The following LYZL4 variants were observed in gnomAD, a reference collection of about 807,000 sequenced individuals.
LYZL4 encodes lysozyme like 4, also known as lysozyme-like protein 4.
LYZL4 carries 13 observed loss-of-function variants against 17.6 expected under a neutral mutation model. That is an observed-to-expected ratio of 0.74 (90% CI 0.48 to 1.18). The LOEUF (loss-of-function observed/expected upper bound fraction) is 1.18. Ranked by LOEUF, LYZL4 falls within the 50% of genes most tolerant of loss-of-function variation. LYZL4 has a pLI of 0.00. For missense variants in LYZL4, 174 were observed against 188.2 expected, an observed-to-expected ratio of 0.92 and a Z score of 0.44; for synonymous variants, 64 against 67.7, an observed-to-expected ratio of 0.95 and a Z score of 0.27.
At chr3:42,395,630 T>G (rs1438627138), downstream of LYZL4, among the ~76,000 whole-genome samples, 1 of 152,202 alleles carries the variant, frequency 6.6e-6, no homozygotes, top group African/African-American at 2.4e-5. Context: ...TAATTTCCTT[T>G]TTTATGACTA....
chr3:42,410,146 C>A (rs1002773286), intron 1 of LYZL4, among the ~76,000 whole-genome samples: 2 of 152,170 alleles, frequency 1.3e-5, no homozygotes, highest in African/African-American at 4.8e-5. Flanking sequence ...TGTTCACTTG[C>A]TTATTTTCTC....
At position 42,407,317 on chromosome 3, in the gene LYZL4, C is replaced by T; in HGVS notation, c.-66G>A. The T allele has an allele frequency of 6.2e-7, 1 of 1,606,258 alleles. No homozygotes were observed. Among genetic ancestry groups the T allele is most frequent in the South Asian group, 1.1e-5 (1 of 89,854 alleles). On this transcript the variant is annotated 5_prime_UTR_variant, in exon 2 of 5. The change creates a new upstream start codon in the 5' untranslated region. Coordinates refer to ENST00000287748, the MANE Select transcript of LYZL4 (RefSeq NM_144634.4). ...ATGAGTGGGTGGAGTCACAGGGACA[C>T]TGGTTCTCTGAAGGGAAAGAAGGGC... is the stretch of plus-strand genomic sequence containing the variant.
At chr3:42,403,969 A>G (rs976218308) in intron 4 of LYZL4, 77 bp downstream of exon 4, 1 of 1,112,866 alleles carries the variant, frequency 9.0e-7, no homozygotes, top group African/African-American at 1.6e-5. Context: ...CGCAACAGCC[A>G]AGATTTAGCC....
the LYZL4 span, among the ~76,000 whole-genome samples, chr3:42,378,668 T>G: frequency 1.3e-5 from 2 of 152,182 alleles, no homozygotes; most frequent in South Asian, 4.1e-4. Flanking sequence ...TCAACTCAGC[T>G]GGTTCCACGT....
intron 1 of LYZL4, among the ~76,000 whole-genome samples, chr3:42,408,139 A>T (rs1194370269): frequency 6.6e-6 from 1 of 152,108 alleles, no homozygotes; most frequent in Non-Finnish European, 1.5e-5. Context: ...GGGCCAACTC[A>T]TGCAGGTGGT....
chr3:42,409,783 G>T lies in LYZL4; in HGVS notation c.-93+634C>A, dbSNP rs1002472007. Among the ~76,000 whole-genome samples, 3 of 152,132 alleles carry T rather than the reference G, an allele frequency of 2.0e-5. No homozygotes were observed. In the South Asian group the frequency reaches 6.2e-4, roughly 32 times the overall value. ...TCCAGTCACATCACTAATCTCCAGT[G>T]GATTCCCCTTGCACTTTGAATAAGG... On this transcript the variant is annotated intron_variant, in intron 1 of 4. Coordinates refer to ENST00000287748, the MANE Select transcript of LYZL4 (RefSeq NM_144634.4).
rs568896561 is a variant in LYZL4 at position 42,409,602 on chromosome 3, T to C, written c.-93+815A>G. On this transcript the variant is annotated intron_variant, in intron 1 of 4. Transcript: ENST00000287748. ...CCATCTACAGTTCTTCCAGAACCTA[T>C]TCGCCTCTCATCTTTTCTGCCATCA... Among the ~76,000 whole-genome samples, 16 of 152,312 alleles carry C rather than the reference T, an allele frequency of 1.1e-4. No individual in the cohort carries two copies. The South Asian group carries it at 2.1e-3, about 20-fold the overall frequency.
intron 1 of LYZL4, among the ~76,000 whole-genome samples, chr3:42,408,449 G>A (rs908115012): frequency 2.6e-5 from 4 of 152,120 alleles, no homozygotes; most frequent in Non-Finnish European, 5.9e-5. Context: ...CCATTCAAAT[G>A]TTGCTGCATC....
downstream of LYZL4, among the ~76,000 whole-genome samples, chr3:42,392,851 T>C (rs1482867393): frequency 2.0e-5 from 3 of 151,892 alleles, no homozygotes; most frequent in African/African-American, 7.3e-5. Flanking sequence ...AGAATTGAGA[T>C]TTTTAAGGTG....
chr3:42,369,619 G>A, the LYZL4 span, among the ~76,000 whole-genome samples: 21 of 152,200 alleles, frequency 1.4e-4, no homozygotes, highest in African/African-American at 4.3e-4. Context: ...CCAGGCTCTC[G>A]GAGGCCCAGA....
the LYZL4 span, among the ~76,000 whole-genome samples, chr3:42,383,377 G>GC: frequency 1.3e-5 from 2 of 148,664 alleles, no homozygotes; most frequent in Non-Finnish European, 3.0e-5. Context: ...AAACTGTCCA[G>GC]CCGGATGGCT....
chr3:42,391,214 A>T, the LYZL4 span, among the ~76,000 whole-genome samples: 1 of 152,230 alleles, frequency 6.6e-6, no homozygotes, highest in South Asian at 2.1e-4. Context: ...CAAATGAAAC[A>T]TATAACAGGT....
At chr3:42,406,477 A>G (rs868064974) in intron 3 of LYZL4, among the ~76,000 whole-genome samples, 5 of 150,862 alleles carry the variant, frequency 3.3e-5, no homozygotes, top group Non-Finnish European at 7.4e-5. Flanking sequence ...AAAAAAAAAA[A>G]AAAGAAAGAA....
the LYZL4 span, among the ~76,000 whole-genome samples, chr3:42,363,099 G>A: frequency 6.6e-6 from 1 of 152,086 alleles, no homozygotes; most frequent in South Asian, 2.1e-4. Context: ...TCTAGAATGT[G>A]AGACATTCTA....
At chr3:42,378,921 C>CAA in the LYZL4 span, among the ~76,000 whole-genome samples, 1 of 152,032 alleles carries the variant, frequency 6.6e-6, no homozygotes, top group African/African-American at 2.4e-5. Flanking sequence ...ACAGGTGGCC[C>CAA]AAAAATCGCA....
At chr3:42,393,828 G>C (rs918564920), downstream of LYZL4, among the ~76,000 whole-genome samples, 6 of 152,150 alleles carry the variant, frequency 3.9e-5, no homozygotes, top group African/African-American at 1.4e-4. Context: ...GTCTTGCTCT[G>C]TCGCTCAGGC....
intron 3 of LYZL4, among the ~76,000 whole-genome samples, chr3:42,404,416 C>A (rs1036338034): frequency 6.6e-6 from 1 of 152,110 alleles, no homozygotes; most frequent in Non-Finnish European, 1.5e-5. Context: ...CTGTTCTAAC[C>A]CTTCACTTAA....
At chr3:42,389,657 T>C in the LYZL4 span, among the ~76,000 whole-genome samples, 3 of 152,180 alleles carry the variant, frequency 2.0e-5, no homozygotes, top group Admixed American at 2.0e-4. Context: ...GACCACATGA[T>C]CTGAACGGGC....
At chr3:42,366,710 C>A in the LYZL4 span, among the ~76,000 whole-genome samples, 1 of 152,242 alleles carries the variant, frequency 6.6e-6, no homozygotes, top group East Asian at 1.9e-4. Context: ...ACAGCCCTCA[C>A]ACTCAAATGC....
Sources: allele counts gnomAD v4.1 joint callset (sites outside exome capture counted in the v4.1 genomes callset), GRCh38; gene constraint gnomAD v4.1.1; transcripts MANE v1.5; gene names NCBI Gene and HGNC (gene_info 2026-07-23, HGNC 2026-07-21).